The following SKA3 variants were observed in gnomAD, a reference collection of about 807,000 sequenced individuals.
The protein encoded by SKA3 is spindle and kinetochore associated complex subunit 3.
In SKA3, 39 loss-of-function variants were observed where a neutral mutation model predicts 44.2. That is an observed-to-expected ratio of 0.88 (90% CI 0.68 to 1.15). The LOEUF is 1.15. SKA3 is among the 50% of genes most tolerant of loss of function. SKA3 has a pLI of 0.00. For missense variants in SKA3, 511 were observed against 485.8 expected (o/e 1.05, Z -0.49); for synonymous variants, 192 against 172.0 (o/e 1.12, Z -0.91).
At chr13:21,173,577 G>A (rs866844873) in intron 1 of SKA3, among the ~76,000 whole-genome samples, 3 of 151,764 alleles carry the variant, frequency 2.0e-5, no homozygotes, top group African/African-American at 4.8e-5. Flanking sequence ...GATTTCTAAC[G>A]CCATGAAGTA....
In SKA3 at chr13:21,167,967, C is replaced by T. The variant is rs754971996; in HGVS notation, c.743+21G>A. 42 of 1,107,238 alleles carry T rather than the reference C, an allele frequency of 3.8e-5. No individual in the cohort carries two copies. The South Asian group carries it at 9.2e-4, about 24-fold the overall frequency. The allele number at this position is 1,107,238 out of a possible 1,614,324, so 68.6% of individuals were successfully genotyped here. Reference sequence around the variant, plus strand: ...GGTTTAGAAAGCTAGATAAAATATGCCTTTTAACAGAGCTGCTTACCTTTT... The same window carrying T: ...GGTTTAGAAAGCTAGATAAAATATGTCTTTTAACAGAGCTGCTTACCTTTT... On this transcript the variant is annotated intron_variant, in intron 4 of 8. Transcript: ENST00000314759.
chr13:21,167,927 T>A (rs965796502), intron 4 of SKA3, 61 bp downstream of exon 4: 9 of 1,161,834 alleles, frequency 7.7e-6, no homozygotes, highest in Middle Eastern at 3.1e-4. Context: ...GGAAAAAAAA[T>A]CAATAAATAC....
At chr13:21,170,548 T>C (rs1214045249) in intron 3 of SKA3, among the ~76,000 whole-genome samples, 1 of 152,198 alleles carries the variant, frequency 6.6e-6, no homozygotes, top group Admixed American at 6.5e-5. Context: ...AAGTTTTATA[T>C]TTTGATTTCA....
chr13:21,163,178 GAC>G (rs1870529935), intron 4 of SKA3, among the ~76,000 whole-genome samples: 1 of 150,384 alleles, frequency 6.6e-6, no homozygotes. Flanking sequence ...ACCAAAATAT[GAC>G]AGTGAGACCC....
At chr13:21,159,837 G>T in intron 6 of SKA3, 65 bp downstream of exon 6, 1 of 1,051,202 alleles carries the variant, frequency 9.5e-7, no homozygotes, top group Non-Finnish European at 1.3e-6. Flanking sequence ...CTTTGAGCCT[G>T]CAAGCAGTAG....
intron 1 of SKA3, among the ~76,000 whole-genome samples, chr13:21,174,744 AG>A (rs960955164): frequency 2.9e-5 from 4 of 138,770 alleles, no homozygotes; most frequent in African/African-American, 1.1e-4. Context: ...TTTTAAAAAA[AG>A]AAAAAAAAAG....
At chr13:21,175,388 T>C (rs1328514605) in intron 1 of SKA3, among the ~76,000 whole-genome samples, 1 of 149,606 alleles carries the variant, frequency 6.7e-6, no homozygotes, top group African/African-American at 2.5e-5. Flanking sequence ...GCCATTCTCC[T>C]ACCTCAGCCT....
At chr13:21,157,188 A>G (rs1049492421) in intron 7 of SKA3, among the ~76,000 whole-genome samples, 1 of 152,256 alleles carries the variant, frequency 6.6e-6, no homozygotes, top group Non-Finnish European at 1.5e-5. Flanking sequence ...GGCAGTTGTT[A>G]TAAGTCATTA....
Position 21,176,382 on chromosome 13 carries a change from C to T in SKA3, c.96G>A (p.Glu32=), listed in dbSNP as rs374999007. 1.6e-4 allele frequency: 255 copies of T among 1,569,358 alleles called. No homozygotes were observed. The African/African-American group carries it at 3.2e-3, about 20-fold the overall frequency. ...GCCGCCCGCCTCACGCACCGCTTTC[C>T]TCTCCGTCCAGCGCTCGCTGCAGCC... ...TARLQRALDG[E]ESDFEDYPMR... Residue 32 remains glutamate, a synonymous_variant, in exon 1 of 9, where the codon GAG becomes GAA. Transcript: ENST00000314759.
chr13:21,172,690 T>C lies in SKA3; in HGVS notation c.104-9A>G. On this transcript the variant is annotated splice_polypyrimidine_tract_variant and intron_variant, in intron 1 of 8. Coordinates refer to ENST00000314759, the MANE Select transcript of SKA3 (RefSeq NM_145061.6). ...TGGATAATCTTCAAAGTCTTCAATA[T>C]GAATATTGAAAGAAAAGAAGTCCAA... 6.6e-7 allele frequency: 1 copy of C among 1,510,902 alleles called. No individual in the cohort carries two copies. Among genetic ancestry groups the C allele is most frequent in the Non-Finnish European group, 9.0e-7 (1 of 1,109,346 alleles). The allele number at this position is 1,510,902 out of a possible 1,614,324, so 93.6% of individuals were successfully genotyped here. A position where few individuals can be genotyped will look rare whatever the true frequency, so the allele number is the denominator to read the frequency against.
Position 21,172,634 on chromosome 13 carries a change from C to T in SKA3, c.151G>A (p.Val51Ile). The change falls in exon 2 of 9, where the codon GTT (valine) becomes ATT (isoleucine). Residue 51 changes from valine to isoleucine, a missense_variant. Coordinates refer to ENST00000314759, the MANE Select transcript of SKA3 (RefSeq NM_145061.6). ...MRILYDLHSEVQTLKDDVNIL... is the reference protein window; with the variant it reads ...MRILYDLHSEIQTLKDDVNIL... The stretch of plus-strand genomic sequence containing the variant: ...AGGAGTGATACCTTTAGAGTCTGAA[C>T]TTCTGAATGAAGGTCATATAAAATT... 6.3e-7 allele frequency: 1 copy of T among 1,585,186 alleles called. No homozygotes were observed. Among genetic ancestry groups the T allele is most frequent in the Non-Finnish European group, 8.6e-7 (1 of 1,163,958 alleles).
chr13:21,175,040 G>T (rs1235246788), intron 1 of SKA3, among the ~76,000 whole-genome samples: 1 of 151,310 alleles, frequency 6.6e-6, no homozygotes, highest in Non-Finnish European at 1.5e-5. Context: ...GCAGTGGCGC[G>T]ATCTCGGGTC....
chr13:21,175,546 G>A lies in SKA3; in HGVS notation c.103+829C>T, dbSNP rs539740654. Among the ~76,000 whole-genome samples the A allele has an allele frequency of 3.3e-4, 51 of 152,320 alleles. No homozygotes were observed. The East Asian group carries it at 9.6e-3, about 29-fold the overall frequency. ...CCGCCTCAGCCTCCCAAAGTGCTAG[G>A]ATTACAGGCGTGAGCCACCGCGCCG... On this transcript the variant is annotated intron_variant, in intron 1 of 8. Coordinates refer to ENST00000314759, the MANE Select transcript of SKA3 (RefSeq NM_145061.6).
intron 3 of SKA3, among the ~76,000 whole-genome samples, chr13:21,171,412 T>C (rs1871039567): frequency 6.6e-6 from 1 of 151,724 alleles, no homozygotes; most frequent in African/African-American, 2.4e-5. Flanking sequence ...CCGTCTCTAA[T>C]AAAAATACAA....
At chr13:21,155,195 A>C in intron 8 of SKA3, 45 bp from the exon 9 acceptor site, 2 of 1,543,130 alleles carry the variant, frequency 1.3e-6, no homozygotes, top group South Asian at 2.3e-5. Context: ...TAAAATTAAA[A>C]GCCATTAAGA....
At chr13:21,165,629 G>A (rs1870667418) in intron 4 of SKA3, among the ~76,000 whole-genome samples, 1 of 151,892 alleles carries the variant, frequency 6.6e-6, no homozygotes, top group Non-Finnish European at 1.5e-5. Flanking sequence ...CATTACACTG[G>A]CCAGAACATC....
intron 4 of SKA3, among the ~76,000 whole-genome samples, chr13:21,162,714 C>T (rs2137365598): frequency 6.6e-6 from 1 of 152,142 alleles, no homozygotes; most frequent in Middle Eastern, 3.4e-3. Flanking sequence ...AGTGTGTATA[C>T]AGTATGGCAC....
intron 1 of SKA3, among the ~76,000 whole-genome samples, chr13:21,175,482 T>TA (rs1426210862): frequency 1.5e-4 from 23 of 150,874 alleles, no homozygotes; most frequent in South Asian, 2.1e-4. Flanking sequence ...TTCACCGTGT[T>TA]AGCCAGAATG....
chr13:21,167,999 C>T lies in SKA3; in HGVS notation c.732G>A (p.Arg244=), dbSNP rs773001699. The T allele has an allele frequency of 4.5e-5, 71 of 1,576,814 alleles. No individual in the cohort carries two copies. The highest frequency in any genetic ancestry group is 5.4e-5 in the Non-Finnish European group (63 of 1,161,324). Residue 244 remains arginine (R), a synonymous_variant, in exon 4 of 9, where the codon AGG becomes AGA. Coordinates refer to ENST00000314759, the MANE Select transcript of SKA3 (RefSeq NM_145061.6). ...EDYTMGLKNA[R]NNKSEEAIDT... is the part of the protein sequence containing the mutation. ...ACAGAGCTGCTTACCTTTTATTATT[C>T]CTCGCATTTTTAAGTCCCATTGTGT... is the stretch of plus-strand genomic sequence containing the variant.
Sources: allele counts gnomAD v4.1 joint callset (sites outside exome capture counted in the v4.1 genomes callset), GRCh38; gene constraint gnomAD v4.1.1; transcripts MANE v1.5; gene names NCBI Gene and HGNC (gene_info 2026-07-23, HGNC 2026-07-21).